Variants in KLRG1 observed in about 807,000 individuals in gnomAD.
The protein encoded by KLRG1 is killer cell lectin-like receptor subfamily G member 1.
KLRG1 carries 16 observed loss-of-function variants against 21.8 expected under a neutral mutation model. That is an observed-to-expected ratio of 0.73 (90% CI 0.50 to 1.11). The LOEUF (loss-of-function observed/expected upper bound fraction) is 1.11, where lower values mean the gene tolerates loss of function less well. Ranked by LOEUF, KLRG1 falls within the 50% of genes most tolerant of loss-of-function variation. The pLI, the probability that KLRG1 is intolerant of heterozygous loss-of-function variation, is 0.00. For synonymous variants in KLRG1, 69 were observed against 75.9 expected (o/e 0.91, Z 0.47); for missense variants, 173 against 218.3 (o/e 0.79, Z 1.31).
the KLRG1 span, chr12:9,110,026 C>G: frequency 1.9e-6 from 3 of 1,610,302 alleles, no homozygotes; most frequent in Non-Finnish European, 2.5e-6. Flanking sequence ...ATGCGATTTC[C>G]TTTGGGATCC....
chr12:9,053,147 C>T, the KLRG1 span, among the ~76,000 whole-genome samples: 170 of 152,122 alleles, frequency 1.1e-3, 2 homozygotes, highest in Admixed American at 8.3e-3. Context: ...ACATTAGGTT[C>T]GTTGGCACAT....
chr12:8,984,964 C>A (rs913958563), upstream of KLRG1, among the ~76,000 whole-genome samples: 3 of 152,140 alleles, frequency 2.0e-5, no homozygotes, highest in Admixed American at 6.5e-5. Context: ...TTTCTTTATA[C>A]CTTTCACCCC....
intron 1 of KLRG1, chr12:8,971,231 G>A (rs1946561456): frequency 6.6e-6 from 1 of 151,808 alleles, no homozygotes; most frequent in Non-Finnish European, 1.5e-5. Flanking sequence ...TTGTGGGTAA[G>A]TGTGTATTAA....
the KLRG1 span, among the ~76,000 whole-genome samples, chr12:9,123,409 T>C: frequency 2.0e-5 from 3 of 152,138 alleles, no homozygotes; most frequent in Non-Finnish European, 4.4e-5. Flanking sequence ...AAATAAGGAT[T>C]ATTTGAACAT....
chr12:9,107,463 C>T, the KLRG1 span: 4 of 1,585,940 alleles, frequency 2.5e-6, no homozygotes, highest in South Asian at 4.5e-5. Context: ...AATGCTGCAA[C>T]TCACTGCTTT....
At chr12:9,067,959 A>G in the KLRG1 span, 1 of 1,078,638 alleles carries the variant, frequency 9.3e-7, no homozygotes. Flanking sequence ...ACAGTGGGAA[A>G]CCAAATCTAT....
intron 3 of KLRG1, among the ~76,000 whole-genome samples, chr12:9,007,665 C>T (rs566669708): frequency 5.3e-5 from 8 of 152,172 alleles, no homozygotes; most frequent in Non-Finnish European, 1.2e-4. Context: ...TAAATGTTTA[C>T]TCTTCAGCAA....
chr12:9,126,450 A>G, the KLRG1 span, among the ~76,000 whole-genome samples: 1 of 152,210 alleles, frequency 6.6e-6, no homozygotes, highest in Non-Finnish European at 1.5e-5. Flanking sequence ...GGCTCATTTT[A>G]TAAACCAAGC....
downstream of KLRG1, among the ~76,000 whole-genome samples, chr12:9,015,050 G>A (rs753294666): frequency 7.4e-4 from 113 of 152,006 alleles, no homozygotes; most frequent in African/African-American, 2.5e-3. Context: ...AAAACATACC[G>A]CCAGAGGAAA....
chr12:9,109,410 T>A, the KLRG1 span: 7 of 1,609,024 alleles, frequency 4.4e-6, no homozygotes, highest in Non-Finnish European at 6.0e-6. Context: ...GAAGAACTGT[T>A]GATTGGTGAT....
At chr12:9,074,536 A>G in the KLRG1 span, 1 of 1,576,524 alleles carries the variant, frequency 6.3e-7, no homozygotes, top group Non-Finnish European at 8.6e-7. Flanking sequence ...AAGGTGAAAT[A>G]AAAGGTTTTG....
intron 3 of KLRG1, among the ~76,000 whole-genome samples, chr12:9,000,590 T>C (rs1341029706): frequency 6.6e-6 from 1 of 152,220 alleles, no homozygotes; most frequent in South Asian, 2.1e-4. Context: ...CCCCTGGTAA[T>C]CACTATTCTA....
At chr12:9,192,288 T>G in the KLRG1 span, 1 of 1,598,516 alleles carries the variant, frequency 6.3e-7, no homozygotes, top group Non-Finnish European at 8.6e-7. Context: ...GGAAATTTCT[T>G]GAGCTGGACA....
At chr12:9,119,569 A>G in the KLRG1 span, among the ~76,000 whole-genome samples, 1 of 152,200 alleles carries the variant, frequency 6.6e-6, no homozygotes, top group Non-Finnish European at 1.5e-5. Flanking sequence ...ACAGAGCAGT[A>G]CCTGACGGAG....
chr12:9,079,954 GA>G, the KLRG1 span: 1 of 1,013,366 alleles, frequency 9.9e-7, no homozygotes. Context: ...AAGTATGATT[GA>G]AAGCAATAAA....
At chr12:9,203,976 A>ACTATCAT in the KLRG1 span, 1 of 1,572,972 alleles carries the variant, frequency 6.4e-7, no homozygotes, top group Non-Finnish European at 8.7e-7. Context: ...AGTCTAAATT[A>ACTATCAT]GAGAAAAACT....
At chr12:9,018,910 A>G in the KLRG1 span, among the ~76,000 whole-genome samples, 8 of 152,204 alleles carry the variant, frequency 5.3e-5, no homozygotes, top group African/African-American at 1.7e-4. Context: ...ACAGGCAACC[A>G]AAGCAAAAAT....
the KLRG1 span, chr12:9,158,611 T>C: frequency 1.2e-6 from 2 of 1,607,072 alleles, no homozygotes; most frequent in South Asian, 1.1e-5. Context: ...TGAGGCTCTT[T>C]TCATTGAGCA....
At chr12:8,995,556 G>A (rs1275211576) in intron 3 of KLRG1, among the ~76,000 whole-genome samples, 1 of 152,138 alleles carries the variant, frequency 6.6e-6, no homozygotes, top group Non-Finnish European at 1.5e-5. Flanking sequence ...TAGCATGTAA[G>A]TGTGTATGTG....
Sources: gnomAD v4.1 joint callset for allele counts (sites outside exome capture counted in the v4.1 genomes callset) on GRCh38, gnomAD v4.1.1 for gene constraint, MANE v1.5 for transcripts, NCBI Gene and HGNC (gene_info 2026-07-23, HGNC 2026-07-21) for gene names.